The following RAB33B variants were observed in gnomAD, a reference collection of about 807,000 sequenced individuals.
RAB33B encodes RAB33B, member RAS oncogene family, also known as ras-related protein Rab-33B.
In RAB33B, 6 loss-of-function variants were observed where a neutral mutation model predicts 15.0. The observed-to-expected ratio is 0.40, with a 90% confidence interval of 0.22 to 0.79. RAB33B has a LOEUF of 0.79. RAB33B is among the 30% of genes least tolerant of loss of function. RAB33B has a pLI of 0.37. For synonymous variants in RAB33B, 117 were observed against 108.3 expected, an observed-to-expected ratio of 1.08 and a Z score of -0.50; for missense variants, 257 against 296.4, an observed-to-expected ratio of 0.87 and a Z score of 0.98.
chr4:139,468,570 C>T (rs1481529224), intron 1 of RAB33B, among the ~76,000 whole-genome samples: 1 of 152,150 alleles, frequency 6.6e-6, no homozygotes, highest in Non-Finnish European at 1.5e-5. Context: ...TTTAGTCTTT[C>T]TACTTAGAAT....
At chr4:139,445,729 G>A in the RAB33B span, among the ~76,000 whole-genome samples, 1 of 152,156 alleles carries the variant, frequency 6.6e-6, no homozygotes, top group Non-Finnish European at 1.5e-5. Flanking sequence ...AACATGTCCA[G>A]ACTGCTGTGC....
chr4:139,467,683 C>T (rs560725733), intron 1 of RAB33B, among the ~76,000 whole-genome samples: 1 of 151,552 alleles, frequency 6.6e-6, no homozygotes, highest in Non-Finnish European at 1.5e-5. Flanking sequence ...ATGGTGACAA[C>T]CCATCTCTAC....
chr4:139,460,479 AATT>A (rs1191845191), intron 1 of RAB33B, among the ~76,000 whole-genome samples: 1 of 152,182 alleles, frequency 6.6e-6, no homozygotes, highest in East Asian at 1.9e-4. Flanking sequence ...TTGGGTTACT[AATT>A]ATTGTTCTGT....
the RAB33B span, among the ~76,000 whole-genome samples, chr4:139,439,045 T>C: frequency 0.21 from 31,482 of 152,118 alleles, 3,575 homozygotes; most frequent in Non-Finnish European, 0.26. Context: ...CAGAGTTTCG[T>C]ACTGTTGCCC....
the RAB33B span, among the ~76,000 whole-genome samples, chr4:139,443,214 G>C: frequency 1.9e-4 from 29 of 152,142 alleles, no homozygotes; most frequent in African/African-American, 7.0e-4. Context: ...GGATGGTCTC[G>C]ATCTCCTGAC....
At chr4:139,451,172 T>C (rs1749912643), upstream of RAB33B, 1 of 152,020 alleles carries the variant, frequency 6.6e-6, no homozygotes, top group Non-Finnish European at 1.5e-5. Context: ...GTGCTGGGAT[T>C]ACAGGTGTAA....
At chr4:139,463,030 G>A (rs369450701) in intron 1 of RAB33B, among the ~76,000 whole-genome samples, 6 of 152,152 alleles carry the variant, frequency 3.9e-5, no homozygotes, top group Non-Finnish European at 7.3e-5. Flanking sequence ...ACTGGGTGTG[G>A]TGACACACTC....
At chr4:139,456,684 T>C (rs893921694) in intron 1 of RAB33B, among the ~76,000 whole-genome samples, 3 of 152,250 alleles carry the variant, frequency 2.0e-5, no homozygotes, top group Non-Finnish European at 4.4e-5. Flanking sequence ...TCTAAGGCCC[T>C]AGCCGTTGAT....
At chr4:139,470,893 A>G (rs1750374931) in intron 1 of RAB33B, among the ~76,000 whole-genome samples, 1 of 151,970 alleles carries the variant, frequency 6.6e-6, no homozygotes, top group African/African-American at 2.4e-5. Context: ...GCTGTGGCTG[A>G]GCTGGTATCT....
the RAB33B span, among the ~76,000 whole-genome samples, chr4:139,444,408 G>T: frequency 6.6e-6 from 1 of 152,188 alleles, no homozygotes; most frequent in African/African-American, 2.4e-5. Context: ...GAGGGTCCAG[G>T]AAATAGACCC....
intron 1 of RAB33B, among the ~76,000 whole-genome samples, chr4:139,462,053 CTTTTTT>C (rs1171840158): frequency 7.4e-6 from 1 of 135,460 alleles, no homozygotes; most frequent in Non-Finnish European, 1.6e-5. Context: ...GATGACAGCT[CTTTTTT>C]TTTTTTTTTT....
chr4:139,446,219 A>G, the RAB33B span, among the ~76,000 whole-genome samples: 1 of 152,194 alleles, frequency 6.6e-6, no homozygotes, highest in East Asian at 1.9e-4. Context: ...CGATGGCCTC[A>G]TGGGGAGTTC....
At chr4:139,463,615 A>G (rs1426270617) in intron 1 of RAB33B, among the ~76,000 whole-genome samples, 2 of 152,208 alleles carry the variant, frequency 1.3e-5, no homozygotes, top group African/African-American at 4.8e-5. Flanking sequence ...CAAAAGTATC[A>G]GTTTCTCTTC....
At chr4:139,451,119 C>T (rs996254710), upstream of RAB33B, 1 of 152,022 alleles carries the variant, frequency 6.6e-6, no homozygotes, top group African/African-American at 2.4e-5. Context: ...CCAGGCTGGT[C>T]TCAACTCTTG....
upstream of RAB33B, chr4:139,451,310 C>T (rs972854662): frequency 2.6e-5 from 4 of 152,078 alleles, no homozygotes; most frequent in Non-Finnish European, 5.9e-5. Context: ...AAGAGATCCT[C>T]CAGCCTCAGC....
chr4:139,446,208 C>A, the RAB33B span, among the ~76,000 whole-genome samples: 1 of 152,320 alleles, frequency 6.6e-6, no homozygotes, highest in South Asian at 2.1e-4. Context: ...CGAGCCTGCA[C>A]CGATGGCCTC....
chr4:139,467,141 G>A (rs1252824830), intron 1 of RAB33B, among the ~76,000 whole-genome samples: 2 of 149,504 alleles, frequency 1.3e-5, no homozygotes, highest in African/African-American at 4.9e-5. Context: ...GCTAATTTTT[G>A]TATTATTAGT....
At chr4:139,468,532 G>A (rs569587466) in intron 1 of RAB33B, among the ~76,000 whole-genome samples, 4 of 152,178 alleles carry the variant, frequency 2.6e-5, no homozygotes, top group Non-Finnish European at 4.4e-5. Context: ...AAAAGTCATC[G>A]TAGTTATTAT....
chr4:139,469,097 C>G (rs1340246198), intron 1 of RAB33B, among the ~76,000 whole-genome samples: 2 of 152,092 alleles, frequency 1.3e-5, no homozygotes, highest in Non-Finnish European at 2.9e-5. Flanking sequence ...AATATTGATA[C>G]CTTCTTCTAG....
Sources: gnomAD v4.1 joint callset for allele counts (sites outside exome capture counted in the v4.1 genomes callset) on GRCh38, gnomAD v4.1.1 for gene constraint, MANE v1.5 for transcripts, NCBI Gene and HGNC (gene_info 2026-07-23, HGNC 2026-07-21) for gene names.